Variants in HIRA observed in about 807,000 individuals in gnomAD.
The protein encoded by HIRA is histone cell cycle regulator, also known as protein HIRA.
In HIRA, 13 loss-of-function variants were observed where a neutral mutation model predicts 126.6. The observed-to-expected ratio is 0.10, with a 90% confidence interval of 0.07 to 0.16. The LOEUF (loss-of-function observed/expected upper bound fraction) is 0.16, where lower values mean the gene tolerates loss of function less well. Among genes scored for constraint, HIRA ranks in the 10% least tolerant of loss-of-function variants. HIRA has a pLI of 1.00. For synonymous variants in HIRA, 511 were observed against 520.0 expected (o/e 0.98, Z 0.24); for missense variants, 834 against 1,314.4 (o/e 0.63, Z 5.65).
chr22:19,383,397 C>T (rs1318121861), intron 13 of HIRA, among the ~76,000 whole-genome samples: 1 of 152,178 alleles, frequency 6.6e-6, no homozygotes, highest in African/African-American at 2.4e-5. Context: ...GTGCTGGCCG[C>T]CTTAGCACTC....
At chr22:19,346,286 G>A (rs1386486049) in intron 24 of HIRA, among the ~76,000 whole-genome samples, 1 of 152,232 alleles carries the variant, frequency 6.6e-6, no homozygotes, top group Non-Finnish European at 1.5e-5. Flanking sequence ...GGAGGCTGAG[G>A]TGGGCCACTG....
chr22:19,384,945 C>T (rs1405797274), intron 12 of HIRA, among the ~76,000 whole-genome samples: 8 of 152,010 alleles, frequency 5.3e-5, no homozygotes, highest in East Asian at 1.9e-4. Flanking sequence ...TGAGCCACTG[C>T]GCCTGGCCTG....
chr22:19,389,067 C>A (rs2089153391), intron 9 of HIRA, among the ~76,000 whole-genome samples: 1 of 152,050 alleles, frequency 6.6e-6, no homozygotes, highest in Non-Finnish European at 1.5e-5. Context: ...ACACCTGGGC[C>A]CTTAATCTGG....
At chr22:19,381,540 A>G (rs931337109) in intron 13 of HIRA, among the ~76,000 whole-genome samples, 2 of 152,110 alleles carry the variant, frequency 1.3e-5, no homozygotes, top group African/African-American at 4.8e-5. Context: ...GAGAGATCAT[A>G]TAATTTTTTT....
chr22:19,374,008 G>A (rs756945067), intron 15 of HIRA, among the ~76,000 whole-genome samples: 5 of 151,186 alleles, frequency 3.3e-5, no homozygotes, highest in Admixed American at 2.7e-4. Context: ...TAGGGACGAG[G>A]GTTGCATTTA....
intron 11 of HIRA, among the ~76,000 whole-genome samples, chr22:19,387,489 T>C (rs2089137792): frequency 1.3e-5 from 2 of 152,374 alleles, no homozygotes; most frequent in African/African-American, 4.8e-5. Flanking sequence ...AAAATAGTTC[T>C]ACTCTTAACT....
chr22:19,354,845 G>A (rs2088795311), intron 21 of HIRA, among the ~76,000 whole-genome samples: 1 of 152,018 alleles, frequency 6.6e-6, no homozygotes, highest in South Asian at 2.1e-4. Flanking sequence ...ACAGCTCACT[G>A]CAGCCTCGAC....
chr22:19,409,352 C>T (rs901968211), intron 2 of HIRA, among the ~76,000 whole-genome samples: 4 of 151,696 alleles, frequency 2.6e-5, no homozygotes, highest in East Asian at 1.9e-4. Context: ...GGCACGATCT[C>T]GGCTCACTGC....
At chr22:19,394,713 A>G (rs2089208916) in intron 7 of HIRA, among the ~76,000 whole-genome samples, 1 of 152,226 alleles carries the variant, frequency 6.6e-6, no homozygotes, top group Non-Finnish European at 1.5e-5. Flanking sequence ...AAACTGCAGC[A>G]TCCTACACTC....
rs533906144 is a variant in HIRA, at chr22:19,344,912, G to A, written c.2937+6446C>T. Among the ~76,000 whole-genome samples the A allele has an allele frequency of 1.4e-3, 218 of 152,188 alleles. 1 individual carries two copies. Among genetic ancestry groups the A allele is most frequent in the Non-Finnish European group, 2.1e-3 (145 of 67,994 alleles). ...ACACGATCATCTTAATGCAGAAAAAGCATCTGAGAAAATGCAACATTCTTT... is the reference window on the plus strand; with the variant it reads ...ACACGATCATCTTAATGCAGAAAAAACATCTGAGAAAATGCAACATTCTTT... On this transcript the variant is annotated intron_variant, in intron 24 of 24. Transcript: ENST00000263208.
At position 19,431,721 on chromosome 22, in the gene HIRA, G is replaced by C; in HGVS notation, c.-245C>G. On this transcript the variant is annotated 5_prime_UTR_variant, in exon 1 of 25. Transcript: ENST00000263208. Reference sequence around the variant, plus strand: ...CCCCTGCGCCGCTCCTCCTCAGGCGGCTCCCGGGCAACGCCGGAAGTCACG... The same window carrying C: ...CCCCTGCGCCGCTCCTCCTCAGGCGCCTCCCGGGCAACGCCGGAAGTCACG... 2.9e-6 allele frequency: 1 copy of C among 348,796 alleles called. No homozygotes were observed. Among genetic ancestry groups the C allele is most frequent in the Non-Finnish European group, 4.9e-6 (1 of 202,596 alleles). 21.6% of individuals were successfully genotyped at this position (348,796 alleles called of 1,614,324 possible).
rs781795705 is a variant in HIRA at position 19,356,247 on chromosome 22, A to G, written c.2438T>C (p.Leu813Pro). The G allele has an allele frequency of 6.2e-7, 1 of 1,614,086 alleles. No homozygotes were observed. The highest frequency in any genetic ancestry group is 1.1e-5 in the South Asian group (1 of 91,078). ...RQVVVVKEES[L>P]HSILAGSDMT... ...TGCATTACCTGCCAGGATGGAGTGT[A>G]GAGACTCTTCTTTCACCACAACCAC... The change falls in exon 20 of 25, where the codon CTA becomes CCA. Residue 813 changes from leucine to proline, a missense_variant. By Grantham distance (98) the Leu-to-Pro change is moderately conservative. Transcript: ENST00000263208.
intron 24 of HIRA, among the ~76,000 whole-genome samples, chr22:19,334,049 A>G (rs1462910714): frequency 6.7e-6 from 1 of 149,708 alleles, no homozygotes; most frequent in Non-Finnish European, 1.5e-5. Flanking sequence ...ATCTCGGCTC[A>G]CTGCAAGCTC....
At chr22:19,363,321 T>TAGTA (rs2088882784) in intron 15 of HIRA, among the ~76,000 whole-genome samples, 2 of 151,804 alleles carry the variant, frequency 1.3e-5, no homozygotes, top group African/African-American at 4.8e-5. Flanking sequence ...GACAGATTAA[T>TAGTA]AGTAGGTGGA....
At chr22:19,390,607 A>AAAAAAAAAAG (rs2089170756) in intron 9 of HIRA, among the ~76,000 whole-genome samples, 1 of 138,354 alleles carries the variant, frequency 7.2e-6, no homozygotes, top group Non-Finnish European at 1.5e-5. Context: ...GTCTCAAAAA[A>AAAAAAAAAAG]AAAAAAAAAA....
chr22:19,335,875 AGTGG>A (rs781809370), intron 24 of HIRA, among the ~76,000 whole-genome samples: 4 of 152,216 alleles, frequency 2.6e-5, no homozygotes, highest in Non-Finnish European at 4.4e-5. Flanking sequence ...TGAAACCTCT[AGTGG>A]GCATTTGATT....
intron 16 of HIRA, 85 bp downstream of exon 16, chr22:19,361,642 T>A (rs986677627): frequency 1.9e-5 from 26 of 1,393,276 alleles, no homozygotes; most frequent in South Asian, 8.4e-5. Context: ...CCCACCCAGC[T>A]GAGGCTTACC....
In HIRA at chr22:19,405,854, C is replaced by A; in HGVS notation, c.329G>T (p.Gly110Val). Residue 110 changes from glycine (G) to valine (V), a missense_variant, in exon 5 of 25, where the codon GGC becomes GTC. Gly to Val is a moderately radical substitution (Grantham distance 109). Around this residue, in one of 5 missense-constraint regions of HIRA, gnomAD observed 102 missense variants for 191.4 expected, o/e 0.53. Coordinates refer to ENST00000263208, the MANE Select transcript of HIRA (RefSeq NM_003325.4). Reference protein sequence around the residue: ...ATYIGPSTVFGSSGKLANVEQ... With the variant: ...ATYIGPSTVFVSSGKLANVEQ... Reference sequence around the variant, plus strand: ...CACATTGGCAAGCTTACCACTGGAGCCGAACACGGTGCTGGGGCCGATGTA... The same window carrying A: ...CACATTGGCAAGCTTACCACTGGAGACGAACACGGTGCTGGGGCCGATGTA... 1 of 1,507,654 alleles carries A rather than the reference C, an allele frequency of 6.6e-7. No homozygotes were observed. Among genetic ancestry groups the A allele is most frequent in the Non-Finnish European group, 8.9e-7 (1 of 1,121,650 alleles). The allele number at this position is 1,507,654 out of a possible 1,614,324, so 93.4% of individuals were successfully genotyped here.
chr22:19,359,609 A>G, intron 17 of HIRA, 125 bp from the exon 18 acceptor site: 1 of 1,125,068 alleles, frequency 8.9e-7, no homozygotes, highest in Non-Finnish European at 1.2e-6. Flanking sequence ...GCTGGCCAAG[A>G]GAGGAGAGGG....
Sources: gnomAD v4.1 joint callset for allele counts (sites outside exome capture counted in the v4.1 genomes callset) on GRCh38, gnomAD v4.1.1 for gene constraint, gnomAD v4.1.1 regional missense constraint, MANE v1.5 for transcripts, NCBI Gene and HGNC (gene_info 2026-07-23, HGNC 2026-07-21) for gene names.